TUT4: variants seen among roughly 807,000 people sequenced by gnomAD.
TUT4 encodes the protein terminal uridylyltransferase 4.
In TUT4, 36 loss-of-function variants were observed where a neutral mutation model predicts 192.2. The observed-to-expected ratio is 0.19, with a 90% CI of 0.14 to 0.25. The LOEUF is 0.25. Ranked by LOEUF, TUT4 falls within the 10% of genes least tolerant of loss-of-function variation. The pLI is 1.00. For synonymous variants in TUT4, 618 were observed against 666.0 expected, an observed-to-expected ratio of 0.93 and a Z score of 1.11; for missense variants, 1,493 against 1,957.2, an observed-to-expected ratio of 0.76 and a Z score of 4.47.
At chr1:52,444,562 A>C (rs1446955706) in intron 24 of TUT4, among the ~76,000 whole-genome samples, 1 of 151,718 alleles carries the variant, frequency 6.6e-6, no homozygotes, top group Non-Finnish European at 1.5e-5. Flanking sequence ...CACACAAACT[A>C]TTAATCCTGG....
chr1:52,483,520 T>C (rs1669022882), intron 9 of TUT4, among the ~76,000 whole-genome samples: 1 of 152,098 alleles, frequency 6.6e-6, no homozygotes, highest in African/African-American at 2.4e-5. Context: ...ACACTGAAAA[T>C]ATTTTTTAGG....
intron 27 of TUT4, 85 bp downstream of exon 27, chr1:52,435,280 G>A: frequency 9.3e-7 from 1 of 1,079,250 alleles, no homozygotes; most frequent in African/African-American, 1.6e-5. Context: ...GATTGTATTA[G>A]CCAGTCTGAG....
chr1:52,446,819 A>G lies in TUT4; in HGVS notation c.3436-152T>C, dbSNP rs1455747184. On this transcript the variant is annotated intron_variant, in intron 20 of 29. Coordinates refer to ENST00000257177, the MANE Select transcript of TUT4 (RefSeq NM_001009881.3). The stretch of plus-strand genomic sequence containing the variant: ...CAGGATGATGGTATAATTTGATGCC[A>G]AGAAGTTAATGAATAAAACGTATCT... 5.1e-6 allele frequency: 3 copies of G among 586,046 alleles called. No homozygotes were observed. In the African/African-American group the frequency reaches 5.7e-5, roughly 11 times the overall value. 36.3% of individuals were successfully genotyped at this position (586,046 alleles called of 1,614,324 possible).
intron 5 of TUT4, 64 bp downstream of exon 5, chr1:52,496,942 A>C: frequency 6.9e-7 from 1 of 1,449,494 alleles, no homozygotes; most frequent in East Asian, 2.3e-5. Flanking sequence ...AATGTACTCT[A>C]GTTCAAGAGG....
chr1:52,534,980 T>C (rs369757227), intron 1 of TUT4: 9 of 152,254 alleles, frequency 5.9e-5, no homozygotes, highest in African/African-American at 2.2e-4. Context: ...TTACCTTTTT[T>C]ACTGACCTGT....
chr1:52,498,905 TATATATA>T (rs1557858956), intron 4 of TUT4, among the ~76,000 whole-genome samples: 72 of 2,010 alleles, frequency 0.036, 3 homozygotes, highest in African/African-American at 0.046. Flanking sequence ...AAAAAAATTA[TATATATA>T]TATATATATA....
rs763634194 is a variant in TUT4, at chr1:52,438,349, G to A, written c.3823-14C>T. 1.1e-5 allele frequency: 17 copies of A among 1,573,420 alleles called. No individual in the cohort carries two copies. Among genetic ancestry groups the A allele is most frequent in the Non-Finnish European group, 5.2e-6 (6 of 1,153,262 alleles). On this transcript the variant is annotated splice_polypyrimidine_tract_variant and intron_variant, in intron 24 of 29. Transcript: ENST00000257177. ...AAAGAAGTACTCCTAGGGAGAAAATGCAATTTTACTAGGAGGAATCACTAT... is the reference window on the plus strand; with the variant it reads ...AAAGAAGTACTCCTAGGGAGAAAATACAATTTTACTAGGAGGAATCACTAT...
At chr1:52,478,933 G>T (rs1667785600) in intron 11 of TUT4, among the ~76,000 whole-genome samples, 1 of 151,962 alleles carries the variant, frequency 6.6e-6, no homozygotes, top group Admixed American at 6.6e-5. Context: ...ACTTTCTATG[G>T]AAAGACAACA....
chr1:52,430,169 T>C (rs1651595981), intron 28 of TUT4, among the ~76,000 whole-genome samples: 1 of 152,204 alleles, frequency 6.6e-6, no homozygotes, highest in Non-Finnish European at 1.5e-5. Context: ...ACTATTTTTC[T>C]TTTTTAAAGA....
chr1:52,512,009 A>C (rs1010030666), intron 3 of TUT4, among the ~76,000 whole-genome samples: 6 of 152,250 alleles, frequency 3.9e-5, no homozygotes, highest in Non-Finnish European at 8.8e-5. Context: ...GAAAGCATAC[A>C]TACAGAATAC....
intron 5 of TUT4, among the ~76,000 whole-genome samples, chr1:52,496,510 C>T (rs1163445537): frequency 6.6e-6 from 1 of 151,842 alleles, no homozygotes; most frequent in African/African-American, 2.4e-5. Context: ...TTACTTTAAC[C>T]CTATACTGAT....
intron 1 of TUT4, among the ~76,000 whole-genome samples, chr1:52,527,276 A>C (rs1682049386): frequency 6.6e-6 from 1 of 152,022 alleles, no homozygotes; most frequent in Admixed American, 6.5e-5. Flanking sequence ...GGCCGGGTGC[A>C]ATGGCTCATG....
chr1:52,425,923 G>C (rs1024452334), intron 28 of TUT4, among the ~76,000 whole-genome samples: 2 of 152,140 alleles, frequency 1.3e-5, no homozygotes, highest in Admixed American at 6.5e-5. Context: ...CTGAAAGCAG[G>C]AAAGCACATC....
rs191510472 is a variant in TUT4 at position 52,496,152 on chromosome 1, C to A, written c.1178-637G>T. On this transcript the variant is annotated intron_variant, in intron 5 of 29. Transcript: ENST00000257177. The stretch of plus-strand genomic sequence containing the variant: ...TGAAAATAATATGATTGGGACAGAT[C>A]AAGAAGATTTAGTTTCTTAGAAAGT... Among the ~76,000 whole-genome samples, 91 of 152,158 alleles carry A rather than the reference C, an allele frequency of 6.0e-4. 1 individual carries two copies. Among genetic ancestry groups the A allele is most frequent in the Admixed American group, 5.9e-3 (90 of 15,286 alleles).
chr1:52,463,613 A>G (rs1004624861), intron 16 of TUT4: 2 of 1,296,936 alleles, frequency 1.5e-6, no homozygotes, highest in African/African-American at 3.0e-5. Flanking sequence ...ACAGTCCCGC[A>G]TTTTGAAACA....
At chr1:52,431,495 T>A (rs745363144) in intron 27 of TUT4, 35 bp from the exon 28 acceptor site, 2 of 1,361,888 alleles carry the variant, frequency 1.5e-6, no homozygotes, top group Admixed American at 5.7e-5. Flanking sequence ...TTAATTAATT[T>A]ATAAACATCT....
rs1486708967 is a variant in TUT4 at position 52,431,050 on chromosome 1, T to C, written c.4674A>G (p.Pro1558=). 1 of 1,601,240 alleles carries C rather than the reference T, an allele frequency of 6.2e-7. No individual in the cohort carries two copies. Among genetic ancestry groups the C allele is most frequent in the Non-Finnish European group, 8.5e-7 (1 of 1,169,880 alleles). The change falls in exon 28 of 30, where the codon CCA becomes CCG. Residue 1558 remains proline, a synonymous_variant. Transcript: ENST00000257177. ...CTGCACCACTGTTTACCAGGGAATT[T>C]GGAGCCACAGTACGGGGCCAGTGTC... ...HDGHWPRTVA[P]NSLVNSGAVG...
Position 52,545,966 on chromosome 1 carries a change from C to CAAAAAAA in TUT4, c.-94+6958_-94+6964dup, listed in dbSNP as rs71041901. Among the ~76,000 whole-genome samples, 7 of 72,364 alleles carry CAAAAAAA rather than the reference C, an allele frequency of 9.7e-5. 1 individual carries two copies. Among genetic ancestry groups the CAAAAAAA allele is most frequent in the Non-Finnish European group, 1.9e-4 (6 of 32,140 alleles). The allele number at this position is 72,364 out of a possible 152,430, so 47.5% of individuals were successfully genotyped here. ...GTGAAACTGCATCTCTACAAAAATA[C>CAAAAAAA]AAAAAAAAAAAAAAAAAAAAAAATT... On this transcript the variant is annotated intron_variant, in intron 1 of 29. Coordinates refer to ENST00000257177, the MANE Select transcript of TUT4 (RefSeq NM_001009881.3).
intron 7 of TUT4, 129 bp from the exon 8 acceptor site, chr1:52,490,930 A>G (rs1180653125): frequency 3.9e-6 from 3 of 767,040 alleles, no homozygotes; most frequent in Non-Finnish European, 4.1e-6. Context: ...CACTCTTCTC[A>G]TTATGAGCAC....
Sources: gnomAD v4.1 joint callset for allele counts (sites outside exome capture counted in the v4.1 genomes callset) on GRCh38, gnomAD v4.1.1 for gene constraint, MANE v1.5 for transcripts, NCBI Gene and HGNC (gene_info 2026-07-23, HGNC 2026-07-21) for gene names.